ZCCHC24: variants seen among roughly 807,000 people sequenced by gnomAD.
ZCCHC24 encodes the protein zinc finger CCHC domain-containing protein 24.
In ZCCHC24, 10 loss-of-function variants were observed where a neutral mutation model predicts 26.2. The ratio of observed to expected loss-of-function variants is 0.38; its 90% CI spans 0.24 to 0.65. The LOEUF (loss-of-function observed/expected upper bound fraction) is 0.65, where lower values mean the gene tolerates loss of function less well. ZCCHC24 is among the 30% of genes least tolerant of loss of function. The probability of loss-of-function intolerance (pLI) is 0.54; values close to 1 mark genes in which losing one functional copy is unlikely to be tolerated. For synonymous variants in ZCCHC24, 144 were observed against 147.1 expected (o/e 0.98, Z 0.15); for missense variants, 243 against 329.1 (o/e 0.74, Z 2.03).
At chr10:79,438,232 A>ACACACACGCACC (rs1857242171) in intron 1 of ZCCHC24, among the ~76,000 whole-genome samples, 1 of 152,128 alleles carries the variant, frequency 6.6e-6, no homozygotes, top group Admixed American at 6.5e-5. Flanking sequence ...ACACGCGCAC[A>ACACACACGCACC]CACACACGCA....
intron 2 of ZCCHC24, among the ~76,000 whole-genome samples, chr10:79,404,098 G>T (rs2132187552): frequency 6.6e-6 from 1 of 152,198 alleles, no homozygotes; most frequent in East Asian, 1.9e-4. Context: ...AAACCAAAAG[G>T]GCTGGGAGAC....
At chr10:79,441,588 G>A (rs1172555003) in intron 1 of ZCCHC24, among the ~76,000 whole-genome samples, 2 of 152,138 alleles carry the variant, frequency 1.3e-5, no homozygotes, top group African/African-American at 4.8e-5. Context: ...TCAAATAGGT[G>A]TGGGAACTGT....
rs186209114 is a variant in ZCCHC24, at chr10:79,399,747, C to T, written c.448-5307G>A. Among the ~76,000 whole-genome samples the T allele has an allele frequency of 2.1e-3, 323 of 152,294 alleles. 4 individuals are homozygous for T. The highest frequency in any genetic ancestry group is 9.8e-3 in the South Asian group (47 of 4,820). On this transcript the variant is annotated intron_variant, in intron 2 of 3. Transcript: ENST00000372336. ...CCAAGCCAAGGAGCAGAGAAGGCAGCGCTGCAGGGCGGGGAAGTGGGAGGG... is the reference window on the plus strand; with the variant it reads ...CCAAGCCAAGGAGCAGAGAAGGCAGTGCTGCAGGGCGGGGAAGTGGGAGGG...
chr10:79,390,774 G>A (rs76288279), intron 3 of ZCCHC24, among the ~76,000 whole-genome samples: 2,133 of 152,336 alleles, frequency 0.014, 62 homozygotes, highest in African/African-American at 0.049. Flanking sequence ...GAGTCGGTAG[G>A]GGGAGCTGCA....
At position 79,386,037 on chromosome 10, in the gene ZCCHC24, C is replaced by A. The variant is rs541301971; in HGVS notation, c.*308G>T. 1 of 531,808 alleles carries A rather than the reference C, an allele frequency of 1.9e-6. No individual in the cohort carries two copies. The allele number at this position is 531,808 out of a possible 1,614,324, so 32.9% of individuals were successfully genotyped here. Reference sequence around the variant, plus strand: ...CCCCAAAGAGGCTCTCAGAGGCGAGCCTGTGGGGACACCCAGGGCTCCTGG... The same window carrying A: ...CCCCAAAGAGGCTCTCAGAGGCGAGACTGTGGGGACACCCAGGGCTCCTGG... On this transcript the variant is annotated 3_prime_UTR_variant, in exon 4 of 4. Coordinates refer to ENST00000372336, the MANE Select transcript of ZCCHC24 (RefSeq NM_153367.4).
chr10:79,421,882 T>G (rs11002971), intron 2 of ZCCHC24, among the ~76,000 whole-genome samples: 51,248 of 151,928 alleles, frequency 0.34, 9,173 homozygotes, highest in East Asian at 0.69. Flanking sequence ...GCTCACCTCG[T>G]CCTCCCAAAG....
Position 79,386,040 on chromosome 10 carries a change from G to A in ZCCHC24, c.*305C>T. On this transcript the variant is annotated 3_prime_UTR_variant, in exon 4 of 4. Coordinates refer to ENST00000372336, the MANE Select transcript of ZCCHC24 (RefSeq NM_153367.4). The stretch of plus-strand genomic sequence containing the variant: ...CAAAGAGGCTCTCAGAGGCGAGCCT[G>A]TGGGGACACCCAGGGCTCCTGGACA... 1.9e-6 allele frequency: 1 copy of A among 534,720 alleles called. No individual in the cohort carries two copies. Among genetic ancestry groups the A allele is most frequent in the South Asian group, 3.0e-5 (1 of 33,056 alleles). 33.1% of individuals were successfully genotyped at this position (534,720 alleles called of 1,614,324 possible). A position where few individuals can be genotyped will look rare whatever the true frequency, so the allele number is the denominator to read the frequency against.
At chr10:79,434,622 T>C (rs958864120) in intron 1 of ZCCHC24, among the ~76,000 whole-genome samples, 7 of 152,162 alleles carry the variant, frequency 4.6e-5, no homozygotes, top group African/African-American at 1.7e-4. Flanking sequence ...CCAACCTGTA[T>C]TGAATGACCT....
intron 2 of ZCCHC24, among the ~76,000 whole-genome samples, chr10:79,417,126 T>C (rs1335601675): frequency 6.6e-6 from 1 of 152,178 alleles, no homozygotes. Flanking sequence ...TACAAAATAC[T>C]AAGCCGTTTG....
At chr10:79,416,370 A>C (rs1168892593) in intron 2 of ZCCHC24, among the ~76,000 whole-genome samples, 1 of 152,196 alleles carries the variant, frequency 6.6e-6, no homozygotes, top group Non-Finnish European at 1.5e-5. Flanking sequence ...GAGTGGCCTC[A>C]CTGAGTAATT....
intron 2 of ZCCHC24, among the ~76,000 whole-genome samples, chr10:79,431,776 TA>T (rs1240228521): frequency 2.0e-5 from 3 of 151,946 alleles, no homozygotes; most frequent in African/African-American, 4.8e-5. Context: ...TGCCACATTA[TA>T]AAAAAAGTTG....
chr10:79,439,004 C>G (rs1298518098), intron 1 of ZCCHC24, among the ~76,000 whole-genome samples: 1 of 152,196 alleles, frequency 6.6e-6, no homozygotes, highest in African/African-American at 2.4e-5. Context: ...GGAAAGGACC[C>G]GCATATTTAG....
intron 3 of ZCCHC24, among the ~76,000 whole-genome samples, chr10:79,390,708 C>G (rs145322076): frequency 1.3e-5 from 2 of 152,184 alleles, no homozygotes; most frequent in African/African-American, 4.8e-5. Context: ...TGGAGGGCCT[C>G]CCCCACTCCC....
intron 2 of ZCCHC24, among the ~76,000 whole-genome samples, chr10:79,428,464 C>T (rs1239059843): frequency 1.3e-5 from 1 of 78,630 alleles, no homozygotes; most frequent in Admixed American, 1.1e-4. Context: ...TTCAGTTTTG[C>T]AAGATAAATT....
Position 79,428,474 on chromosome 10 carries a change from TTCAGTTTTGCAAGATAAA to T in ZCCHC24, c.447+4066_447+4083del, listed in dbSNP as rs1329381020. ...TAAATTTCAGTTTTGCAAGATAAAT[TTCAGTTTTGCAAGATAAA>T]AAGAGCTCTGTGGCTGGAAGGTGGT... On this transcript the variant is annotated intron_variant, in intron 2 of 3. Transcript: ENST00000372336. Among the ~76,000 whole-genome samples, 5 of 81,908 alleles carry T rather than the reference TTCAGTTTTGCAAGATAAA, an allele frequency of 6.1e-5. 1 individual carries two copies. Among genetic ancestry groups the T allele is most frequent in the South Asian group, 6.1e-4 (2 of 3,286 alleles). The allele number at this position is 81,908 out of a possible 152,430, so 53.7% of individuals were successfully genotyped here. A position where few individuals can be genotyped will look rare whatever the true frequency, so the allele number is the denominator to read the frequency against.
At chr10:79,403,639 C>T (rs1414940000) in intron 2 of ZCCHC24, 12 of 977,098 alleles carry the variant, frequency 1.2e-5, no homozygotes, top group Non-Finnish European at 1.5e-5. Flanking sequence ...CTTGTCTGCG[C>T]ACAGCCGTCC....
intron 1 of ZCCHC24, 46 bp downstream of exon 1, chr10:79,445,149 C>CGGTGGGGA (rs1301869374): frequency 1.6e-4 from 131 of 836,192 alleles, no homozygotes; most frequent in Non-Finnish European, 1.7e-4. Context: ...CACGGTGGGG[C>CGGTGGGGA]GGTGGGGCGG....
At chr10:79,426,791 A>C (rs1410804442) in intron 2 of ZCCHC24, among the ~76,000 whole-genome samples, 1 of 152,266 alleles carries the variant, frequency 6.6e-6, no homozygotes, top group African/African-American at 2.4e-5. Flanking sequence ...TAAAAAAGAC[A>C]TGAGTAATTT....
chr10:79,442,716 G>A (rs118005716), intron 1 of ZCCHC24, among the ~76,000 whole-genome samples: 5,031 of 152,286 alleles, frequency 0.033, 128 homozygotes, highest in Middle Eastern at 0.092. Context: ...CTTCCTCTCC[G>A]ACCAGCCCCT....
Sources: gnomAD v4.1 joint callset for allele counts (sites outside exome capture counted in the v4.1 genomes callset) on GRCh38, gnomAD v4.1.1 for gene constraint, MANE v1.5 for transcripts, NCBI Gene and HGNC (gene_info 2026-07-23, HGNC 2026-07-21) for gene names.